The following ATP2B1 variants were observed in gnomAD, a reference collection of about 807,000 sequenced individuals.
ATP2B1 encodes ATPase plasma membrane Ca2+ transporting 1, also known as plasma membrane calcium-transporting ATPase 1.
Under a neutral mutation model 124.2 loss-of-function variants are expected in ATP2B1, and 14 were observed. That is an observed-to-expected ratio of 0.11 (90% CI 0.07 to 0.18). The LOEUF (loss-of-function observed/expected upper bound fraction) is 0.18, where lower values mean the gene tolerates loss of function less well. Among genes scored for constraint, ATP2B1 ranks in the 10% least tolerant of loss-of-function variants. The pLI is 1.00. For missense variants in ATP2B1, 763 were observed against 1,466.1 expected (o/e 0.52, Z 7.83); for synonymous variants, 449 against 492.4 (o/e 0.91, Z 1.17).
intron 20 of ATP2B1, among the ~76,000 whole-genome samples, chr12:89,596,055 A>G (rs1032627511): frequency 2.0e-5 from 3 of 152,076 alleles, no homozygotes; most frequent in East Asian, 3.9e-4. Flanking sequence ...GTGTGTGCAT[A>G]TATGTGTCTG....
Position 89,588,221 on chromosome 12 carries a change from G to A in ATP2B1, c.*2763C>T, listed in dbSNP as rs1872965416. On this transcript the variant is annotated 3_prime_UTR_variant, in exon 21 of 21. Transcript: ENST00000428670. ...ACACGTGTAAAAAGAAATTTTCAAA[G>A]AGCAATTTCACAGAAATGAAGCCAG... The A allele has an allele frequency of 6.6e-6, 1 of 152,510 alleles. No individual in the cohort carries two copies. The highest frequency in any genetic ancestry group is 1.5e-5 in the Non-Finnish European group (1 of 67,992). 9.4% of individuals were successfully genotyped at this position (152,510 alleles called of 1,614,324 possible).
chr12:89,673,390 A>T (rs1443125392), intron 1 of ATP2B1, among the ~76,000 whole-genome samples: 1 of 152,172 alleles, frequency 6.6e-6, no homozygotes. Flanking sequence ...AGTATCCACC[A>T]CTTAAATATA....
In ATP2B1 at chr12:89,655,983, T is replaced by C; in HGVS notation, c.-97A>G. ...TGAAAATCTTTTAAGTATGAAAATC[T>C]TTCTTAAACCAAACACTCATTGTAT... On this transcript the variant is annotated 5_prime_UTR_variant, in exon 2 of 21. Coordinates refer to ENST00000428670, the MANE Select transcript of ATP2B1 (RefSeq NM_001366521.1). 1.6e-6 allele frequency: 2 copies of C among 1,277,914 alleles called. No individual in the cohort carries two copies. The highest frequency in any genetic ancestry group is 3.1e-5 in the South Asian group (2 of 65,490). The allele number at this position is 1,277,914 out of a possible 1,614,324, so 79.2% of individuals were successfully genotyped here.
chr12:89,596,460 A>T (rs1305354359), intron 20 of ATP2B1, among the ~76,000 whole-genome samples: 1 of 152,112 alleles, frequency 6.6e-6, no homozygotes, highest in South Asian at 2.1e-4. Context: ...CTATAAAGGA[A>T]ATTTTGGGGG....
intron 3 of ATP2B1, among the ~76,000 whole-genome samples, chr12:89,636,392 T>G (rs1422724868): frequency 1.3e-5 from 2 of 152,066 alleles, no homozygotes; most frequent in Non-Finnish European, 2.9e-5. Context: ...AGAAAGGATA[T>G]GTATGTAGTA....
intron 1 of ATP2B1, among the ~76,000 whole-genome samples, chr12:89,700,576 A>G (rs1296632908): frequency 6.6e-6 from 1 of 152,228 alleles, no homozygotes; most frequent in Non-Finnish European, 1.5e-5. Context: ...GCAAGGGAGA[A>G]TGGAGTATAT....
At position 89,655,907 on chromosome 12, in the gene ATP2B1, A is replaced by T. The variant is rs2136360792; in HGVS notation, c.-21T>A. On this transcript the variant is annotated 5_prime_UTR_variant, in exon 2 of 21. Coordinates refer to ENST00000428670, the MANE Select transcript of ATP2B1 (RefSeq NM_001366521.1). ...CCCATTACAAGTATAATATATCAGA[A>T]GGAAAATGTTTCCCAAAAGAATTTA... 6.5e-7 allele frequency: 1 copy of T among 1,532,002 alleles called. No homozygotes were observed. Among genetic ancestry groups the T allele is most frequent in the Non-Finnish European group, 8.8e-7 (1 of 1,138,504 alleles). 94.9% of individuals were successfully genotyped at this position (1,532,002 alleles called of 1,614,324 possible).
chr12:89,666,070 TG>T (rs1422134461), intron 1 of ATP2B1, among the ~76,000 whole-genome samples: 2 of 152,222 alleles, frequency 1.3e-5, no homozygotes, highest in Admixed American at 6.5e-5. Flanking sequence ...TCATAGTTGA[TG>T]ATCTTTTGCA....
chr12:89,640,811 T>C (rs535872693), intron 3 of ATP2B1, among the ~76,000 whole-genome samples: 1 of 152,218 alleles, frequency 6.6e-6, no homozygotes, highest in East Asian at 1.9e-4. Context: ...TCTTGCTCCC[T>C]CTCTCTCCAT....
chr12:89,598,555 A>G (rs774480914), intron 20 of ATP2B1: 1 of 1,585,258 alleles, frequency 6.3e-7, no homozygotes, highest in Non-Finnish European at 8.6e-7. Flanking sequence ...GAAGTAGGAA[A>G]TGTTAATTTC....
chr12:89,707,521 T>A (rs1892615414), intron 1 of ATP2B1, among the ~76,000 whole-genome samples: 1 of 152,092 alleles, frequency 6.6e-6, no homozygotes, highest in Non-Finnish European at 1.5e-5. Flanking sequence ...GCCATTAGAT[T>A]ATTAATAAAC....
At chr12:89,599,452 G>T (rs1363295986) in intron 19 of ATP2B1, among the ~76,000 whole-genome samples, 153 bp from the exon 20 acceptor site, 2 of 152,122 alleles carry the variant, frequency 1.3e-5, no homozygotes, top group Admixed American at 1.3e-4. Context: ...TTCTCTCCCA[G>T]AGCAAAATAC....
chr12:89,630,026 C>T (rs996546775), intron 6 of ATP2B1, among the ~76,000 whole-genome samples: 4 of 152,146 alleles, frequency 2.6e-5, no homozygotes, highest in Non-Finnish European at 5.9e-5. Flanking sequence ...ATTTTGATAT[C>T]TAATGATGGG....
chr12:89,682,007 C>T (rs1349178488), intron 1 of ATP2B1, among the ~76,000 whole-genome samples: 1 of 152,062 alleles, frequency 6.6e-6, no homozygotes, highest in Non-Finnish European at 1.5e-5. Flanking sequence ...ATATCACGGA[C>T]TGAGAGCCAA....
At chr12:89,677,075 C>A (rs957881034) in intron 1 of ATP2B1, among the ~76,000 whole-genome samples, 1 of 152,006 alleles carries the variant, frequency 6.6e-6, no homozygotes, top group African/African-American at 2.4e-5. Flanking sequence ...ACAGTGCTAT[C>A]CTGAAAAGCA....
Position 89,621,809 on chromosome 12 carries a change from A to AG in ATP2B1, c.1345-19_1345-18insC. On this transcript the variant is annotated intron_variant, in intron 9 of 20. Transcript: ENST00000428670. ...ATCATTTTCTACAGTGACCAAAAAA[A>AG]AAAAACTAGTTAAGCTGCATATAAA... 4 of 1,522,646 alleles carry AG rather than the reference A, an allele frequency of 2.6e-6. No individual in the cohort carries two copies. Among genetic ancestry groups the AG allele is most frequent in the Non-Finnish European group, 3.5e-6 (4 of 1,140,318 alleles). The allele number at this position is 1,522,646 out of a possible 1,614,324, so 94.3% of individuals were successfully genotyped here.
chr12:89,666,358 C>T (rs1052490790), intron 1 of ATP2B1, among the ~76,000 whole-genome samples: 2 of 152,168 alleles, frequency 1.3e-5, no homozygotes, highest in African/African-American at 4.8e-5. Context: ...GTATTCTCTA[C>T]CTGCTATTCA....
At chr12:89,633,932 A>C (rs991923405) in intron 5 of ATP2B1, among the ~76,000 whole-genome samples, 9 of 152,184 alleles carry the variant, frequency 5.9e-5, no homozygotes, top group Non-Finnish European at 1.3e-4. Flanking sequence ...AAATAAGAAT[A>C]GGAACCCCAG....
chr12:89,658,805 A>C (rs188550794), intron 1 of ATP2B1, among the ~76,000 whole-genome samples: 4 of 152,184 alleles, frequency 2.6e-5, no homozygotes, highest in Admixed American at 1.3e-4. Flanking sequence ...CAGAGCTTTG[A>C]TAAGCACATG....
Sources: gnomAD v4.1 joint callset for allele counts (sites outside exome capture counted in the v4.1 genomes callset) on GRCh38, gnomAD v4.1.1 for gene constraint, MANE v1.5 for transcripts, NCBI Gene and HGNC (gene_info 2026-07-23, HGNC 2026-07-21) for gene names.